RGS22: variants seen among roughly 807,000 people sequenced by gnomAD.
RGS22 encodes the protein regulator of G-protein signaling 22.
A neutral mutation model predicts 172.9 loss-of-function variants in RGS22; 148 were observed. That is an observed-to-expected ratio of 0.86 (90% confidence interval 0.75 to 0.98). The LOEUF is 0.98. Among genes scored for constraint, RGS22 ranks in the 50% least tolerant of loss-of-function variants. The probability of loss-of-function intolerance (pLI) is 0.00; values close to 1 mark genes in which losing one functional copy is unlikely to be tolerated. For missense variants in RGS22, 1,347 were observed against 1,440.8 expected (o/e 0.93, Z 1.05); for synonymous variants, 458 against 480.2 (o/e 0.95, Z 0.60).
intron 19 of RGS22, 35 bp downstream of exon 19, chr8:99,999,227 C>G (rs769116469): frequency 1.8e-5 from 29 of 1,583,360 alleles, no homozygotes; most frequent in Non-Finnish European, 2.3e-5. Context: ...GAGGTACTGA[C>G]AACTGCTATC....
At chr8:100,071,159 A>G (rs147795930) in intron 6 of RGS22, among the ~76,000 whole-genome samples, 201 of 152,124 alleles carry the variant, frequency 1.3e-3, no homozygotes, top group South Asian at 6.0e-3. Context: ...GTGGTGATGC[A>G]TGCCTGTAGT....
chr8:99,969,505 C>T (rs978138000), intron 23 of RGS22, among the ~76,000 whole-genome samples: 12 of 151,700 alleles, frequency 7.9e-5, no homozygotes, highest in African/African-American at 2.9e-4. Flanking sequence ...ATCTCATATG[C>T]ATAGGCTCAA....
intron 17 of RGS22, 64 bp from the exon 18 acceptor site, chr8:100,002,428 C>G: frequency 6.8e-7 from 1 of 1,479,462 alleles, no homozygotes; most frequent in South Asian, 1.3e-5. Context: ...CTAGTAAACA[C>G]CCGATTGTTG....
chr8:100,062,709 C>G lies in RGS22; in HGVS notation c.1396G>C (p.Asp466His). ...AAGATTTCTGCAGAAAGGTAGTAAT[C>G]TCCATTGCTCACTAGATAGCATTTT... Reference protein sequence around the residue: ...MKKCYLVSNGDYYLSAEILSK... With the variant: ...MKKCYLVSNGHYYLSAEILSK... Residue 466 changes from aspartate (D) to histidine (H), a missense_variant, in exon 9 of 28, where the codon GAT becomes CAT. Physicochemically the swap from Asp to His is moderately conservative, Grantham distance 81 (BLOSUM62 -1). Coordinates refer to ENST00000360863, the MANE Select transcript of RGS22 (RefSeq NM_015668.5). 1 of 1,599,664 alleles carries G rather than the reference C, an allele frequency of 6.3e-7. No homozygotes were observed. Among genetic ancestry groups the G allele is most frequent in the Non-Finnish European group, 8.5e-7 (1 of 1,175,196 alleles).
intron 14 of RGS22, among the ~76,000 whole-genome samples, chr8:100,036,911 T>C (rs181163669): frequency 6.6e-6 from 1 of 152,326 alleles, no homozygotes; most frequent in Admixed American, 6.5e-5. Context: ...TAGCAATTTT[T>C]ACATAGTCCA....
chr8:100,103,054 T>C (rs1813622559), intron 2 of RGS22, among the ~76,000 whole-genome samples: 1 of 152,212 alleles, frequency 6.6e-6, no homozygotes, highest in Admixed American at 6.5e-5. Context: ...CAATAAATAC[T>C]AGCTATTAAT....
rs140838875 is a variant in RGS22 at position 100,092,841 on chromosome 8, T to C, written c.117+606A>G. Among the ~76,000 whole-genome samples the C allele has an allele frequency of 5.3e-3, 810 of 152,340 alleles. 7 individuals carry two copies. Among genetic ancestry groups the C allele is most frequent in the African/African-American group, 0.019 (779 of 41,580 alleles). On this transcript the variant is annotated intron_variant, in intron 3 of 27. Transcript: ENST00000360863. ...ACTATTAATTGGCATCAATCTATGTTACACCAATGACAGTGTGCCAAGTCC... is the reference window on the plus strand; with the variant it reads ...ACTATTAATTGGCATCAATCTATGTCACACCAATGACAGTGTGCCAAGTCC...
intron 10 of RGS22, among the ~76,000 whole-genome samples, chr8:100,051,444 ATTTATAT>A (rs1821286316): frequency 9.6e-6 from 1 of 104,482 alleles, no homozygotes; most frequent in Admixed American, 1.3e-4. Context: ...TTATATATTT[ATTTATAT>A]TATATTATAT....
rs372936254 is a variant in RGS22, at chr8:100,062,798, A to C, written c.1353-46T>G. The C allele has an allele frequency of 2.1e-6, 3 of 1,414,692 alleles. No individual in the cohort carries two copies. The East Asian group carries it at 7.1e-5, about 33-fold the overall frequency. The allele number at this position is 1,414,692 out of a possible 1,614,324, so 87.6% of individuals were successfully genotyped here. The stretch of plus-strand genomic sequence containing the variant: ...ATATATACACACACACATTGGTAGA[A>C]TATTCAACTACCAAAATGTAGTTGA... On this transcript the variant is annotated intron_variant, in intron 8 of 27. Coordinates refer to ENST00000360863, the MANE Select transcript of RGS22 (RefSeq NM_015668.5).
intron 10 of RGS22, among the ~76,000 whole-genome samples, chr8:100,049,501 C>A (rs914732807): frequency 2.0e-5 from 3 of 152,134 alleles, no homozygotes; most frequent in African/African-American, 7.2e-5. Context: ...TTCACACAAG[C>A]TAATCTCTAC....
chr8:100,024,924 G>A (rs1449868686), intron 14 of RGS22, among the ~76,000 whole-genome samples: 4 of 152,060 alleles, frequency 2.6e-5, no homozygotes, highest in South Asian at 2.1e-4. Context: ...TTAACGAAAC[G>A]TCAGGTATAA....
intron 14 of RGS22, among the ~76,000 whole-genome samples, chr8:100,011,733 T>C (rs1816408263): frequency 6.6e-6 from 1 of 152,190 alleles, no homozygotes; most frequent in Non-Finnish European, 1.5e-5. Context: ...AACATATAAT[T>C]CTATGTCTAG....
At chr8:100,046,311 TCTC>T (rs1416964238) in intron 11 of RGS22, 4 of 152,018 alleles carry the variant, frequency 2.6e-5, no homozygotes, top group Non-Finnish European at 4.4e-5. Context: ...TTTCAGCTCA[TCTC>T]CTGCTTTTTC....
In RGS22 at chr8:99,999,333, T is replaced by G. The variant is rs1814742796; in HGVS notation, c.2878A>C (p.Asn960His). The change falls in exon 19 of 28, where the codon AAT becomes CAT. Residue 960 changes from asparagine (N) to histidine (H), a missense_variant. Physicochemically the swap from Asn to His is moderately conservative, Grantham distance 68 (BLOSUM62 1). Transcript: ENST00000360863. Reference sequence around the variant, plus strand: ...GGCAGCCATACATTTTCTAGCCTATTTTGCACATGCTTCTGGATTTCAACT... The same window carrying G: ...GGCAGCCATACATTTTCTAGCCTATGTTGCACATGCTTCTGGATTTCAACT... ...VLVEIQKHVQNRLENVWLPLF... is the reference protein window; with the variant it reads ...VLVEIQKHVQHRLENVWLPLF... 1 of 1,614,016 alleles carries G rather than the reference T, an allele frequency of 6.2e-7. No homozygotes were observed. Among genetic ancestry groups the G allele is most frequent in the African/African-American group, 1.3e-5 (1 of 75,042 alleles).
intron 12 of RGS22, 111 bp from the exon 13 acceptor site, chr8:100,040,198 C>A: frequency 1.1e-6 from 1 of 950,982 alleles, no homozygotes; most frequent in African/African-American, 1.7e-5. Flanking sequence ...TCCCACTGGA[C>A]TATTTTATTT....
Position 99,961,115 on chromosome 8 carries a change from G to C in RGS22, c.*127C>G, listed in dbSNP as rs1430759719. On this transcript the variant is annotated 3_prime_UTR_variant, in exon 28 of 28. Coordinates refer to ENST00000360863, the MANE Select transcript of RGS22 (RefSeq NM_015668.5). ...ATCCAGAATCAAACTTTATTTAGAT[G>C]TTAGGCTTGCTCTGATACAGACCTT... The C allele has an allele frequency of 2.4e-6, 1 of 415,198 alleles. No homozygotes were observed. Among genetic ancestry groups the C allele is most frequent in the African/African-American group, 2.1e-5 (1 of 47,728 alleles). 25.7% of individuals were successfully genotyped at this position (415,198 alleles called of 1,614,324 possible).
Position 100,066,213 on chromosome 8 carries a change from A to T in RGS22, c.678T>A (p.Cys226Ter), listed in dbSNP as rs200474479. The change falls in exon 7 of 28, where the codon TGT (cysteine) becomes TGA (stop). Residue 226 changes from cysteine (C) to a stop codon, truncating the protein, a stop_gained. Transcript: ENST00000360863. LOFTEE classifies it high-confidence loss of function. ...QTVSTFSLPC[C>*]VPYNKLKSPA... ...GTGATTTAAGTTTGTTGTAGGGTAC[A>T]CAACAGGGTAACGAAAAGGTTGATA... The T allele has an allele frequency of 6.2e-7, 1 of 1,613,582 alleles. No homozygotes were observed. The highest frequency in any genetic ancestry group is 1.7e-5 in the Admixed American group (1 of 60,016).
intron 14 of RGS22, among the ~76,000 whole-genome samples, chr8:100,030,656 T>A (rs1039053138): frequency 6.6e-6 from 1 of 152,164 alleles, no homozygotes; most frequent in Admixed American, 6.5e-5. Context: ...AAAACAGTAT[T>A]TTCAAAGTAG....
intron 20 of RGS22, among the ~76,000 whole-genome samples, chr8:99,995,436 T>C (rs1391462135): frequency 6.6e-6 from 1 of 151,970 alleles, no homozygotes; most frequent in Non-Finnish European, 1.5e-5. Context: ...AACAACCCCA[T>C]CAAAAAGTGG....
Sources: gnomAD v4.1 joint callset for allele counts (sites outside exome capture counted in the v4.1 genomes callset) on GRCh38, gnomAD v4.1.1 for gene constraint, MANE v1.5 for transcripts, NCBI Gene and HGNC (gene_info 2026-07-23, HGNC 2026-07-21) for gene names.